ACVR1: variants seen among roughly 807,000 people sequenced by gnomAD.
The protein encoded by ACVR1 is activin A receptor type 1.
Under a neutral mutation model 57.1 loss-of-function variants are expected in ACVR1, and 38 were observed. The ratio of observed to expected loss-of-function variants is 0.67; its 90% CI spans 0.51 to 0.87. ACVR1 has a LOEUF of 0.87. Ranked by LOEUF, ACVR1 falls within the 40% of genes least tolerant of loss-of-function variation. The pLI is 0.00. For synonymous variants in ACVR1, 212 were observed against 228.1 expected (o/e 0.93, Z 0.63); for missense variants, 463 against 638.2 (o/e 0.73, Z 2.96).
At chr2:157,794,977 TA>T (rs1235474831) in intron 3 of ACVR1, among the ~76,000 whole-genome samples, 1 of 151,178 alleles carries the variant, frequency 6.6e-6, no homozygotes, top group Non-Finnish European at 1.5e-5. Context: ...GACAAAGGGG[TA>T]AAAGTTTTTT....
intron 1 of ACVR1, among the ~76,000 whole-genome samples, chr2:157,825,617 G>A (rs756116109): frequency 6.6e-6 from 1 of 152,168 alleles, no homozygotes; most frequent in Non-Finnish European, 1.5e-5. Context: ...CACTCCTTAT[G>A]AGAATCTAAC....
intron 1 of ACVR1, among the ~76,000 whole-genome samples, chr2:157,854,557 C>T (rs1443298669): frequency 6.6e-6 from 1 of 151,886 alleles, no homozygotes; most frequent in East Asian, 1.9e-4. Context: ...CCCATCTCTA[C>T]TAAAAATACA....
intron 1 of ACVR1, among the ~76,000 whole-genome samples, chr2:157,824,715 T>C (rs921485126): frequency 6.6e-6 from 1 of 151,890 alleles, no homozygotes; most frequent in East Asian, 1.9e-4. Context: ...CAGACACACA[T>C]GCACTCCTCA....
chr2:157,788,744 AG>A (rs1423573679), intron 3 of ACVR1, among the ~76,000 whole-genome samples: 4 of 152,046 alleles, frequency 2.6e-5, no homozygotes, highest in Non-Finnish European at 5.9e-5. Context: ...ATGGATAAAT[AG>A]GGGGTTACTG....
At chr2:157,767,133 G>A (rs1439814632) in intron 7 of ACVR1, among the ~76,000 whole-genome samples, 1 of 152,104 alleles carries the variant, frequency 6.6e-6, no homozygotes, top group Non-Finnish European at 1.5e-5. Context: ...CTGGGTTCAA[G>A]TGATTCTCCT....
intron 3 of ACVR1, among the ~76,000 whole-genome samples, chr2:157,789,648 G>T (rs1686835808): frequency 6.6e-6 from 1 of 152,214 alleles, no homozygotes; most frequent in African/African-American, 2.4e-5. Flanking sequence ...AGTCCAGAAG[G>T]AAATGGAAGA....
At chr2:157,838,093 C>T (rs567440488) in intron 1 of ACVR1, 1 of 152,268 alleles carries the variant, frequency 6.6e-6, no homozygotes, top group Admixed American at 6.5e-5. Context: ...GCTTTTCCCC[C>T]CCTCCCCACA....
intron 8 of ACVR1, among the ~76,000 whole-genome samples, chr2:157,762,721 A>T (rs1293777826): frequency 1.3e-5 from 2 of 152,226 alleles, no homozygotes; most frequent in African/African-American, 4.8e-5. Context: ...CAGTTAGGAT[A>T]TAACAGATGT....
chr2:157,776,701 G>A (rs978334709), intron 5 of ACVR1, among the ~76,000 whole-genome samples: 5 of 152,170 alleles, frequency 3.3e-5, no homozygotes, highest in African/African-American at 1.2e-4. Flanking sequence ...CCTGCCACAG[G>A]TGGGTCCTGC....
intron 5 of ACVR1, among the ~76,000 whole-genome samples, chr2:157,776,456 GTA>G (rs1255910078): frequency 9.8e-6 from 1 of 102,500 alleles, no homozygotes; most frequent in Non-Finnish European, 2.0e-5. Flanking sequence ...AGACTTCTAA[GTA>G]TATATCTAAC....
intron 1 of ACVR1, among the ~76,000 whole-genome samples, chr2:157,828,132 T>C (rs1053887235): frequency 6.6e-6 from 1 of 151,832 alleles, no homozygotes; most frequent in Non-Finnish European, 1.5e-5. Flanking sequence ...CTGGGCAACA[T>C]GGCAAAACCT....
intron 1 of ACVR1, among the ~76,000 whole-genome samples, chr2:157,825,594 A>C (rs1688316301): frequency 6.6e-6 from 1 of 152,116 alleles, no homozygotes. Flanking sequence ...ACATGTGGGG[A>C]ATCTAGGTTG....
At chr2:157,851,890 CACACA>C (rs1689317556) in intron 1 of ACVR1, among the ~76,000 whole-genome samples, 2 of 8,196 alleles carry the variant, frequency 2.4e-4, no homozygotes, top group African/African-American at 3.2e-4. Context: ...CACACACACA[CACACA>C]CACACACACA....
At chr2:157,778,783 C>T (rs1414455557) in intron 4 of ACVR1, among the ~76,000 whole-genome samples, 1 of 152,202 alleles carries the variant, frequency 6.6e-6, no homozygotes, top group East Asian at 1.9e-4. Flanking sequence ...CTGCTGGTTT[C>T]TCACTGATTT....
chr2:157,748,365 T>C (rs554503724), intron 9 of ACVR1, among the ~76,000 whole-genome samples: 8 of 152,320 alleles, frequency 5.3e-5, no homozygotes, highest in South Asian at 2.1e-4. Context: ...TACAGTTTAT[T>C]TGGACACCAA....
At chr2:157,774,290 C>T in intron 5 of ACVR1, 103 bp from the exon 6 acceptor site, 2 of 873,648 alleles carry the variant, frequency 2.3e-6, no homozygotes, top group Non-Finnish European at 3.9e-6. Context: ...GGGCAGCAAT[C>T]CGGGACACGT....
chr2:157,741,771 C>T lies in ACVR1; in HGVS notation c.1265-3201G>A, dbSNP rs1559030371. 3.9e-5 allele frequency among the ~76,000 whole-genome samples: 6 copies of T among 152,052 alleles called. 1 individual carries two copies. In the South Asian group the frequency reaches 1.2e-3, roughly 32 times the overall value. On this transcript the variant is annotated intron_variant, in intron 9 of 10. Coordinates refer to ENST00000434821, the MANE Select transcript of ACVR1 (RefSeq NM_001111067.4). ...AGAAGACAGTGGGGAGGGACAGTGGCACTTGGCAGGGCTCAGAGGAGGAAA... is the reference window on the plus strand; with the variant it reads ...AGAAGACAGTGGGGAGGGACAGTGGTACTTGGCAGGGCTCAGAGGAGGAAA...
chr2:157,786,189 C>T (rs1214749657), intron 3 of ACVR1, among the ~76,000 whole-genome samples: 1 of 152,170 alleles, frequency 6.6e-6, no homozygotes, highest in Non-Finnish European at 1.5e-5. Context: ...AAAGTAGGAA[C>T]CCCCCTTTAG....
At chr2:157,791,510 C>T (rs1686910848) in intron 3 of ACVR1, among the ~76,000 whole-genome samples, 1 of 152,160 alleles carries the variant, frequency 6.6e-6, no homozygotes, top group African/African-American at 2.4e-5. Flanking sequence ...TGAATACCTC[C>T]ACATTCTGGC....
Sources: gnomAD v4.1 joint callset for allele counts (sites outside exome capture counted in the v4.1 genomes callset) on GRCh38, gnomAD v4.1.1 for gene constraint, MANE v1.5 for transcripts, NCBI Gene and HGNC (gene_info 2026-07-23, HGNC 2026-07-21) for gene names.